The following LAMA3 variants were observed in gnomAD, a reference collection of about 807,000 sequenced individuals.
The protein encoded by LAMA3 is laminin subunit alpha-3.
Under a neutral mutation model 402.0 loss-of-function variants are expected in LAMA3, and 281 were observed. The ratio of observed to expected loss-of-function variants is 0.70; its 90% CI spans 0.63 to 0.77. The LOEUF (loss-of-function observed/expected upper bound fraction) is 0.77, where lower values mean the gene tolerates loss of function less well. Ranked by LOEUF, LAMA3 falls within the 30% of genes least tolerant of loss-of-function variation. The pLI is 0.00. For synonymous variants in LAMA3, 1,431 were observed against 1,558.4 expected (o/e 0.92, Z 1.93); for missense variants, 3,840 against 4,215.5 (o/e 0.91, Z 2.47).
chr18:23,772,107 T>C (rs534912644), intron 8 of LAMA3, among the ~76,000 whole-genome samples: 2 of 151,748 alleles, frequency 1.3e-5, no homozygotes, highest in East Asian at 3.9e-4. Flanking sequence ...AGTGGTGTGA[T>C]TTCGGCTCAC....
chr18:23,907,657 A>G lies in LAMA3; in HGVS notation c.6826A>G (p.Ile2276Val), dbSNP rs2081293224. ...LTTLRDGLHG[I>V]QRGDIDAMIS... ...AACTCTCCGAGATGGTCTTCATGGGATACAGAGAGGTCAGCATCTTCCTAA... is the reference window on the plus strand; with the variant it reads ...AACTCTCCGAGATGGTCTTCATGGGGTACAGAGAGGTCAGCATCTTCCTAA... The change falls in exon 53 of 75, where the codon ATA (isoleucine) becomes GTA (valine). Residue 2276 changes from isoleucine to valine, a missense_variant. Physicochemically the swap from Ile to Val is conservative, Grantham distance 29 (BLOSUM62 3). Transcript: ENST00000313654. The G allele has an allele frequency of 3.7e-6, 6 of 1,612,506 alleles. No individual in the cohort carries two copies. Among genetic ancestry groups the G allele is most frequent in the East Asian group, 4.5e-5 (2 of 44,876 alleles).
In LAMA3 at chr18:23,909,114, T is replaced by C. The variant is rs1223592703; in HGVS notation, c.7016-39T>C. On this transcript the variant is annotated intron_variant, in intron 54 of 74. Coordinates refer to ENST00000313654, the MANE Select transcript of LAMA3 (RefSeq NM_198129.4). ...ACATTTGTAGTTAGCCTTTTCTTAATGCACAATCTTACATTTCTATTTTTT... is the reference window on the plus strand; with the variant it reads ...ACATTTGTAGTTAGCCTTTTCTTAACGCACAATCTTACATTTCTATTTTTT... 13 of 1,595,848 alleles carry C rather than the reference T, an allele frequency of 8.1e-6. 2 individuals are homozygous for C. In the Admixed American group the frequency reaches 2.2e-4, roughly 27 times the overall value.
chr18:23,813,559 T>TTC lies in LAMA3; in HGVS notation c.1788+457_1788+458insCT, dbSNP rs1436429353. 2.1e-5 allele frequency among the ~76,000 whole-genome samples: 3 copies of TTC among 146,034 alleles called. No homozygotes were observed. The East Asian group carries it at 5.9e-4, about 29-fold the overall frequency. ...TTTTTCTTTTCTTTTCTTTCTTTTTTTTTTTTTTTTTTTTGCTCTTGTCGC... is the reference window on the plus strand; with the variant it reads ...TTTTTCTTTTCTTTTCTTTCTTTTTTTCTTTTTTTTTTTTTTGCTCTTGTCGC... On this transcript the variant is annotated intron_variant, in intron 14 of 74. Transcript: ENST00000313654.
intron 59 of LAMA3, among the ~76,000 whole-genome samples, chr18:23,915,944 T>A (rs981780558): frequency 2.3e-5 from 3 of 128,144 alleles, no homozygotes; most frequent in African/African-American, 9.0e-5. Flanking sequence ...AGGTCAAGGT[T>A]GCAATGAGCC....
rs566828580 is a variant in LAMA3, at chr18:23,949,183, T to A, written c.9352-582T>A. ...GCCCACTGTCAATGCACACTGTGTC[T>A]TATTTTAACTCTGCAGCATTCGTGA... On this transcript the variant is annotated intron_variant, in intron 70 of 74. Coordinates refer to ENST00000313654, the MANE Select transcript of LAMA3 (RefSeq NM_198129.4). 5.3e-5 allele frequency among the ~76,000 whole-genome samples: 8 copies of A among 152,336 alleles called. No homozygotes were observed. In the East Asian group the frequency reaches 1.5e-3, roughly 29 times the overall value.
intron 10 of LAMA3, among the ~76,000 whole-genome samples, chr18:23,776,752 G>A (rs2062328500): frequency 6.6e-6 from 1 of 151,980 alleles, no homozygotes; most frequent in South Asian, 2.1e-4. Flanking sequence ...TTTCTCTGTG[G>A]AGACTGTCCT....
rs1202933122 is a variant in LAMA3 at position 23,928,165 on chromosome 18, T to C, written c.8220T>C (p.Asn2740=). The C allele has an allele frequency of 7.4e-6, 12 of 1,613,950 alleles. No individual in the cohort carries two copies. The highest frequency in any genetic ancestry group is 1.0e-5 in the Non-Finnish European group (12 of 1,179,962). The change falls in exon 63 of 75, where the codon AAT becomes AAC. Residue 2740 remains asparagine (N), a synonymous_variant. Transcript: ENST00000313654. ...CTGCTTTCCGAGGCTGCATGAAAAA[T>C]TTGAAGAAAACCAGTGGTGTCGTTA... ...STPAFRGCMK[N]LKKTSGVVRL... is the part of the protein sequence containing the mutation.
intron 2 of LAMA3, among the ~76,000 whole-genome samples, chr18:23,728,654 G>A (rs2061338126): frequency 6.6e-6 from 1 of 152,102 alleles, no homozygotes; most frequent in South Asian, 2.1e-4. Context: ...CTATCCCTGG[G>A]ACTATGAGTG....
intron 27 of LAMA3, among the ~76,000 whole-genome samples, chr18:23,840,437 C>T (rs1260422699): frequency 7.6e-6 from 1 of 131,658 alleles, no homozygotes; most frequent in African/African-American, 3.0e-5. Context: ...AACTTGAGTG[C>T]AGTGGCATGA....
At chr18:23,898,093 A>T (rs2080936730) in intron 44 of LAMA3, among the ~76,000 whole-genome samples, 5 of 152,222 alleles carry the variant, frequency 3.3e-5, no homozygotes, top group Admixed American at 1.3e-4. Flanking sequence ...AAAAATGGAA[A>T]ATAATCACCA....
intron 56 of LAMA3, 48 bp downstream of exon 56, chr18:23,912,929 G>C (rs374741608): frequency 6.4e-7 from 1 of 1,553,658 alleles, no homozygotes; most frequent in South Asian, 1.1e-5. Flanking sequence ...AATGTTTTTC[G>C]AGAGGTGTGC....
intron 1 of LAMA3, among the ~76,000 whole-genome samples, chr18:23,711,418 G>A (rs2060987273): frequency 6.6e-6 from 1 of 152,190 alleles, no homozygotes; most frequent in African/African-American, 2.4e-5. Flanking sequence ...TGAATGACAT[G>A]GACAGGAGCT....
At chr18:23,749,180 C>T (rs2061701507) in intron 3 of LAMA3, among the ~76,000 whole-genome samples, 1 of 152,122 alleles carries the variant, frequency 6.6e-6, no homozygotes, top group South Asian at 2.1e-4. Flanking sequence ...ATAAACTTGC[C>T]TAAGTATGAG....
In LAMA3 at chr18:23,943,767, C is replaced by T. The variant is rs2082609415; in HGVS notation, c.9027-21C>T. 3 of 1,612,958 alleles carry T rather than the reference C, an allele frequency of 1.9e-6. 1 individual carries two copies. In the South Asian group the frequency reaches 3.3e-5, roughly 18 times the overall value. On this transcript the variant is annotated intron_variant, in intron 68 of 74. Coordinates refer to ENST00000313654, the MANE Select transcript of LAMA3 (RefSeq NM_198129.4). ...AACGCTGAACACCTCTATTTCCCTT[C>T]ATCGCCGATGTTCCCAACAGGTCAC...
chr18:23,862,307 A>G (rs2064242672), intron 35 of LAMA3, among the ~76,000 whole-genome samples: 1 of 152,222 alleles, frequency 6.6e-6, no homozygotes, highest in South Asian at 2.1e-4. Context: ...TCAGGAACTT[A>G]CAAACCACTT....
chr18:23,923,351 A>G (rs1351729109), intron 62 of LAMA3, among the ~76,000 whole-genome samples: 1 of 152,216 alleles, frequency 6.6e-6, no homozygotes, highest in African/African-American at 2.4e-5. Context: ...CGAGTATATT[A>G]ACAGAGGTGA....
In LAMA3 at chr18:23,689,632, G is replaced by GC; in HGVS notation, c.-47dup. On this transcript the variant is annotated 5_prime_UTR_variant, in exon 1 of 75. Coordinates refer to ENST00000313654, the MANE Select transcript of LAMA3 (RefSeq NM_198129.4). ...GGAGGCGCAGGCGGAGAGCGGCGGTGCCCCCGAGCCCCTCTGCGGACGGCT... is the reference window on the plus strand; with the variant it reads ...GGAGGCGCAGGCGGAGAGCGGCGGTGCCCCCCGAGCCCCTCTGCGGACGGCT... The GC allele has an allele frequency of 8.1e-7, 1 of 1,237,456 alleles. No individual in the cohort carries two copies. Among genetic ancestry groups the GC allele is most frequent in the Non-Finnish European group, 1.0e-6 (1 of 991,700 alleles). The allele number at this position is 1,237,456 out of a possible 1,614,324, so 76.7% of individuals were successfully genotyped here.
chr18:23,792,120 T>C (rs2062670131), intron 12 of LAMA3, among the ~76,000 whole-genome samples: 1 of 152,116 alleles, frequency 6.6e-6, no homozygotes, highest in African/African-American at 2.4e-5. Flanking sequence ...GGGGTGGATA[T>C]CTATGGAGGA....
intron 12 of LAMA3, among the ~76,000 whole-genome samples, chr18:23,791,543 C>T (rs1402326214): frequency 6.6e-6 from 1 of 151,826 alleles, no homozygotes; most frequent in East Asian, 1.9e-4. Flanking sequence ...ACAAGCCTGG[C>T]CAACATGGTG....
Sources: allele counts gnomAD v4.1 joint callset (sites outside exome capture counted in the v4.1 genomes callset), GRCh38; gene constraint gnomAD v4.1.1; transcripts MANE v1.5; gene names NCBI Gene and HGNC (gene_info 2026-07-23, HGNC 2026-07-21).